KLHL7: variants seen among roughly 807,000 people sequenced by gnomAD.
KLHL7 encodes kelch-like protein 7.
A neutral mutation model predicts 67.4 loss-of-function variants in KLHL7; 44 were observed. The observed-to-expected ratio is 0.65, with a 90% CI of 0.51 to 0.84. The LOEUF is 0.84. Ranked by LOEUF, KLHL7 falls within the 40% of genes least tolerant of loss-of-function variation. The probability of loss-of-function intolerance (pLI) is 0.00; values close to 1 mark genes in which losing one functional copy is unlikely to be tolerated. For missense variants in KLHL7, 362 were observed against 718.1 expected (o/e 0.50, Z 5.67); for synonymous variants, 252 against 243.3 (o/e 1.04, Z -0.33).
Position 23,124,987 on chromosome 7 carries a change from C to T in KLHL7, c.318-61C>T, listed in dbSNP as rs766959878. 5 of 1,468,072 alleles carry T rather than the reference C, an allele frequency of 3.4e-6. No individual in the cohort carries two copies. The African/African-American group carries it at 7.0e-5, about 20-fold the overall frequency. 90.9% of individuals were successfully genotyped at this position (1,468,072 alleles called of 1,614,324 possible). ...TCAGGGGCTATTAGGATACATTCCA[C>T]AGTAACATTTAAATAATAAAAAATC... On this transcript the variant is annotated intron_variant, in intron 3 of 10. Transcript: ENST00000339077.
At chr7:23,121,470 A>T (rs1562556422) in intron 1 of KLHL7, among the ~76,000 whole-genome samples, 1 of 148,126 alleles carries the variant, frequency 6.8e-6, no homozygotes, top group Non-Finnish European at 1.5e-5. Context: ...TAATTTTTGT[A>T]TTTTTTTTTT....
chr7:23,130,852 G>A (rs2128461951), intron 4 of KLHL7, among the ~76,000 whole-genome samples: 1 of 152,280 alleles, frequency 6.6e-6, no homozygotes, highest in South Asian at 2.1e-4. Context: ...ATACTTTGTT[G>A]TTACGAAATA....
intron 7 of KLHL7, among the ~76,000 whole-genome samples, chr7:23,152,474 T>A (rs1784567018): frequency 6.8e-6 from 1 of 148,018 alleles, no homozygotes; most frequent in African/African-American, 2.6e-5. Context: ...CACCCCTTTA[T>A]GTCAGCAGCT....
intron 1 of KLHL7, among the ~76,000 whole-genome samples, chr7:23,116,425 A>G (rs1328351973): frequency 6.6e-6 from 1 of 152,252 alleles, no homozygotes; most frequent in Non-Finnish European, 1.5e-5. Context: ...ATTTGTGTCA[A>G]AATGGGCTAT....
Position 23,105,998 on chromosome 7 carries a change from G to A in KLHL7, c.-29G>A. The A allele has an allele frequency of 1.2e-5, 19 of 1,604,968 alleles. No homozygotes were observed. Among genetic ancestry groups the A allele is most frequent in the Non-Finnish European group, 1.6e-5 (19 of 1,177,254 alleles). Reference sequence around the variant, plus strand: ...TGCGACCCCTCGCCCGGCCCGGCGAGCCCCGGGCGTGAACCGAGCTGAGGG... The same window carrying A: ...TGCGACCCCTCGCCCGGCCCGGCGAACCCCGGGCGTGAACCGAGCTGAGGG... On this transcript the variant is annotated 5_prime_UTR_variant, in exon 1 of 11. Transcript: ENST00000339077.
intron 7 of KLHL7, among the ~76,000 whole-genome samples, chr7:23,161,731 C>A (rs181667296): frequency 6.6e-6 from 1 of 152,292 alleles, no homozygotes. Context: ...CAATGAAGAA[C>A]TGGTACAAAC....
At chr7:23,133,557 G>A (rs963077093) in intron 4 of KLHL7, among the ~76,000 whole-genome samples, 9 of 151,646 alleles carry the variant, frequency 5.9e-5, no homozygotes, top group Non-Finnish European at 7.4e-5. Context: ...TCAGCCTCCC[G>A]AGTAGCTGGG....
intron 1 of KLHL7, among the ~76,000 whole-genome samples, chr7:23,108,739 C>T (rs573014585): frequency 3.9e-4 from 60 of 152,234 alleles, no homozygotes; most frequent in Admixed American, 2.2e-3. Context: ...TGCAGCACAT[C>T]GGCAAAAAGT....
intron 6 of KLHL7, among the ~76,000 whole-genome samples, chr7:23,145,727 T>C (rs1461080994): frequency 6.6e-6 from 1 of 152,190 alleles, no homozygotes; most frequent in Non-Finnish European, 1.5e-5. Context: ...TTAATCCATA[T>C]TTGTATTTGT....
intron 9 of KLHL7, among the ~76,000 whole-genome samples, chr7:23,170,907 C>CT (rs34932759): frequency 0.16 from 21,747 of 132,638 alleles, 2,619 homozygotes; most frequent in African/African-American, 0.28. Flanking sequence ...TAAGAAATGA[C>CT]TTTTTTTTTT....
At chr7:23,115,871 T>C (rs1282148014) in intron 1 of KLHL7, among the ~76,000 whole-genome samples, 1 of 152,104 alleles carries the variant, frequency 6.6e-6, no homozygotes, top group East Asian at 1.9e-4. Context: ...TAGACAATTG[T>C]TAGAGATTTG....
At chr7:23,158,945 G>A (rs937078444) in intron 7 of KLHL7, among the ~76,000 whole-genome samples, 4 of 152,204 alleles carry the variant, frequency 2.6e-5, no homozygotes, top group African/African-American at 9.7e-5. Flanking sequence ...TTACTCGTAG[G>A]GTTTGGGTAG....
Position 23,172,960 on chromosome 7 carries a change from G to C in KLHL7, c.1392G>C (p.Leu464=). 1 of 1,613,230 alleles carries C rather than the reference G, an allele frequency of 6.2e-7. No individual in the cohort carries two copies. Among genetic ancestry groups the C allele is most frequent in the Non-Finnish European group, 8.5e-7 (1 of 1,179,260 alleles). The part of the protein sequence containing the change: ...YDPATETWTE[L]CPMIEARKNH... Reference sequence around the variant, plus strand: ...TTAATTTTTTCAGATGGACTGAGCTGTGTCCAATGATTGAAGCCAGGAAGA... The same window carrying C: ...TTAATTTTTTCAGATGGACTGAGCTCTGTCCAATGATTGAAGCCAGGAAGA... Residue 464 remains leucine (L), a synonymous_variant, in exon 10 of 11, where the codon CTG becomes CTC. Transcript: ENST00000339077.
Position 23,176,864 on chromosome 7 carries a change from C to A in KLHL7, c.*2566C>A, listed in dbSNP as rs1052182463. On this transcript the variant is annotated 3_prime_UTR_variant, in exon 11 of 11. Coordinates refer to ENST00000339077, the MANE Select transcript of KLHL7 (RefSeq NM_001031710.3). ...TGGTGTGCACCTGTAGTCCCAGCTA[C>A]TCAGGAGGCTGAGGTAGGAGAATTG... is the stretch of plus-strand genomic sequence containing the variant. The A allele has an allele frequency of 9.2e-5, 14 of 152,162 alleles. No homozygotes were observed. The highest frequency in any genetic ancestry group is 3.4e-4 in the African/African-American group (14 of 41,380). 9.4% of individuals were successfully genotyped at this position (152,162 alleles called of 1,614,324 possible).
At position 23,156,171 on chromosome 7, in the gene KLHL7, A is replaced by G. The variant is rs190228620; in HGVS notation, c.936+3962A>G. On this transcript the variant is annotated intron_variant, in intron 7 of 10. Transcript: ENST00000339077. ...CCAATAAAAACATTTTCATTCCATCAGTTATAGTTCTTGTATTTCATTGGT... is the reference window on the plus strand; with the variant it reads ...CCAATAAAAACATTTTCATTCCATCGGTTATAGTTCTTGTATTTCATTGGT... 4 of 255,022 alleles carry G rather than the reference A, an allele frequency of 1.6e-5. No homozygotes were observed. The Admixed American group carries it at 2.1e-4, about 13-fold the overall frequency. 15.8% of individuals were successfully genotyped at this position (255,022 alleles called of 1,614,324 possible).
At chr7:23,148,490 G>A (rs6962213) in intron 6 of KLHL7, among the ~76,000 whole-genome samples, 72,337 of 151,482 alleles carry the variant, frequency 0.48, 20,733 homozygotes, top group African/African-American at 0.82. Flanking sequence ...AAGATAGAAC[G>A]TACATGGCCA....
rs533207896 is a variant in KLHL7, at chr7:23,166,639, T to C, written c.1177+701T>C. ...GTTATACTTTTGGTCTGCATACTTA[T>C]GTTTTTACCCTCAACTATATGTCAA... On this transcript the variant is annotated intron_variant, in intron 8 of 10. Transcript: ENST00000339077. Among the ~76,000 whole-genome samples, 4 of 152,348 alleles carry C rather than the reference T, an allele frequency of 2.6e-5. No individual in the cohort carries two copies. The East Asian group carries it at 7.7e-4, about 29-fold the overall frequency.
chr7:23,125,290 TA>T, intron 4 of KLHL7, 118 bp downstream of exon 4: 4 of 1,044,740 alleles, frequency 3.8e-6, no homozygotes, highest in Non-Finnish European at 4.2e-6. Flanking sequence ...CATTGTCCAC[TA>T]GAACGTTTTC....
At chr7:23,122,495 C>T (rs1236397619) in intron 1 of KLHL7, among the ~76,000 whole-genome samples, 1 of 152,080 alleles carries the variant, frequency 6.6e-6, no homozygotes, top group Non-Finnish European at 1.5e-5. Context: ...AGAGATCTGC[C>T]TCTGTACCCC....
Sources: allele counts gnomAD v4.1 joint callset (sites outside exome capture counted in the v4.1 genomes callset), GRCh38; gene constraint gnomAD v4.1.1; transcripts MANE v1.5; gene names NCBI Gene and HGNC (gene_info 2026-07-23, HGNC 2026-07-21).